MYPN: variants seen among roughly 807,000 people sequenced by gnomAD.
MYPN encodes sarcomeric protein myopalladin, 145 kDa (MYOP).
A neutral mutation model predicts 129.4 loss-of-function variants in MYPN; 63 were observed. The ratio of observed to expected loss-of-function variants is 0.49; its 90% CI spans 0.40 to 0.60. The LOEUF is 0.60. Among genes scored for constraint, MYPN ranks in the 20% least tolerant of loss-of-function variants. MYPN has a pLI of 0.00. For synonymous variants in MYPN, 629 were observed against 600.9 expected (o/e 1.05, Z -0.68); for missense variants, 1,596 against 1,635.4 (o/e 0.98, Z 0.42).
rs1334971135 is a variant in MYPN, at chr10:68,211,991, T to C, written c.*1536T>C. 8.4e-6 allele frequency: 3 copies of C among 358,096 alleles called. No individual in the cohort carries two copies. The highest frequency in any genetic ancestry group is 6.4e-5 in the African/African-American group (3 of 46,768). 22.2% of individuals were successfully genotyped at this position (358,096 alleles called of 1,614,324 possible). A position where few individuals can be genotyped will look rare whatever the true frequency, so the allele number is the denominator to read the frequency against. ...CACTTCAAGGCAAGGATTTCCAGCA[T>C]AAAAATAAATTCATTCACTGGAGAA... On this transcript the variant is annotated 3_prime_UTR_variant, in exon 20 of 20. Coordinates refer to ENST00000358913, the MANE Select transcript of MYPN (RefSeq NM_032578.4).
At chr10:68,152,701 T>A (rs1194085157) in intron 6 of MYPN, among the ~76,000 whole-genome samples, 1 of 152,182 alleles carries the variant, frequency 6.6e-6, no homozygotes, top group Non-Finnish European at 1.5e-5. Context: ...AATGGCATGA[T>A]CTCAGCTCAC....
intron 2 of MYPN, chr10:68,136,590 GT>G (rs1278511203): frequency 2.0e-6 from 3 of 1,498,280 alleles, no homozygotes; most frequent in Non-Finnish European, 2.7e-6. Context: ...GTTACCGATT[GT>G]TTTTTTAGGC....
intron 12 of MYPN, among the ~76,000 whole-genome samples, chr10:68,177,573 A>G (rs1193190324): frequency 6.6e-6 from 1 of 152,218 alleles, no homozygotes; most frequent in African/African-American, 2.4e-5. Context: ...CTGTCTTCGG[A>G]AATGATAGTA....
intron 1 of MYPN, among the ~76,000 whole-genome samples, chr10:68,089,382 C>G (rs546191997): frequency 6.6e-6 from 1 of 152,088 alleles, no homozygotes; most frequent in African/African-American, 2.4e-5. Context: ...CGCTCTGTCG[C>G]CCAGACTGGA....
intron 10 of MYPN, among the ~76,000 whole-genome samples, chr10:68,168,590 A>G (rs1164269705): frequency 2.0e-5 from 3 of 152,198 alleles, no homozygotes; most frequent in Non-Finnish European, 2.9e-5. Context: ...ATCATAAATC[A>G]ATACAAGAAG....
At chr10:68,171,461 G>T (rs973918537) in intron 10 of MYPN, among the ~76,000 whole-genome samples, 18 of 152,288 alleles carry the variant, frequency 1.2e-4, no homozygotes, top group Non-Finnish European at 1.9e-4. Flanking sequence ...CCCTACACCT[G>T]CCGAATGAGA....
chr10:68,119,003 T>A (rs1019697713), intron 1 of MYPN, among the ~76,000 whole-genome samples: 7 of 152,072 alleles, frequency 4.6e-5, no homozygotes, highest in Non-Finnish European at 2.9e-5. Flanking sequence ...GGCACTTAAT[T>A]TCCCCCCCAT....
chr10:68,142,890 A>G (rs1205260405), intron 2 of MYPN, 50 bp from the exon 3 acceptor site: 1 of 1,543,238 alleles, frequency 6.5e-7, no homozygotes, highest in Non-Finnish European at 9.0e-7. Flanking sequence ...TGTCTATGTT[A>G]TTGTCTTGCA....
chr10:68,148,583 A>G (rs2042710893), intron 5 of MYPN, 116 bp downstream of exon 5: 1 of 811,396 alleles, frequency 1.2e-6, no homozygotes, highest in African/African-American at 1.7e-5. Context: ...CATCATCAGG[A>G]TAATCACCTT....
rs765695662 is a variant in MYPN, at chr10:68,122,290, T to G, written c.852T>G (p.Thr284=). ...GGAGCAGAGAAGTTCCAGAAGGAAC[T>G]CGAGTACAGTTGGATTGCATAGTGG... ...KLRSREVPEG[T]RVQLDCIVVG... is the part of the protein sequence containing the mutation. Residue 284 remains threonine (T), a synonymous_variant, in exon 2 of 20, where the codon ACT becomes ACG. Transcript: ENST00000358913. 6.2e-7 allele frequency: 1 copy of G among 1,614,060 alleles called. No homozygotes were observed. Among genetic ancestry groups the G allele is most frequent in the South Asian group, 1.1e-5 (1 of 91,038 alleles).
chr10:68,120,889 A>G (rs1209422156), intron 1 of MYPN, among the ~76,000 whole-genome samples: 2 of 152,190 alleles, frequency 1.3e-5, no homozygotes, highest in African/African-American at 4.8e-5. Context: ...AGTTTAATAA[A>G]GTGGTAATCA....
chr10:68,114,094 C>A (rs2042119673), intron 1 of MYPN: 1 of 152,172 alleles, frequency 6.6e-6, no homozygotes, highest in Admixed American at 6.5e-5. Flanking sequence ...TAATACTTCA[C>A]AATCAGAATA....
chr10:68,090,050 C>A (rs970569525), intron 1 of MYPN, among the ~76,000 whole-genome samples: 1 of 152,080 alleles, frequency 6.6e-6, no homozygotes, highest in African/African-American at 2.4e-5. Context: ...AGTAAATAGG[C>A]ATATTTTCCT....
intron 10 of MYPN, among the ~76,000 whole-genome samples, chr10:68,172,911 A>G (rs1470637210): frequency 6.6e-6 from 1 of 151,948 alleles, no homozygotes; most frequent in Non-Finnish European, 1.5e-5. Context: ...TGTCTCTACT[A>G]AAAATACAAA....
chr10:68,175,842 C>T (rs1479011376), intron 12 of MYPN, among the ~76,000 whole-genome samples: 4 of 152,144 alleles, frequency 2.6e-5, no homozygotes, highest in Non-Finnish European at 1.5e-5. Flanking sequence ...GCAACCTTGA[C>T]CTCCTGGGCT....
At chr10:68,091,193 A>C (rs1037100770) in intron 1 of MYPN, among the ~76,000 whole-genome samples, 1 of 152,068 alleles carries the variant, frequency 6.6e-6, no homozygotes, top group African/African-American at 2.4e-5. Context: ...TGATTATGGC[A>C]TCTTGTGAGC....
chr10:68,145,933 C>A (rs1262132035), intron 4 of MYPN, among the ~76,000 whole-genome samples: 1 of 152,158 alleles, frequency 6.6e-6, no homozygotes, highest in Non-Finnish European at 1.5e-5. Flanking sequence ...TTCTCTCCTG[C>A]CTTTTATGCC....
chr10:68,110,191 G>A (rs35299829), intron 1 of MYPN, among the ~76,000 whole-genome samples: 40 of 152,054 alleles, frequency 2.6e-4, no homozygotes, highest in Non-Finnish European at 5.3e-4. Flanking sequence ...CTGCTCCCTG[G>A]ATTAATGTAC....
At chr10:68,187,791 G>A (rs746792811) in intron 12 of MYPN, among the ~76,000 whole-genome samples, 2 of 152,180 alleles carry the variant, frequency 1.3e-5, no homozygotes, top group Non-Finnish European at 2.9e-5. Flanking sequence ...GTGAGAGAAA[G>A]AGAAGGAAAG....
Sources: allele counts gnomAD v4.1 joint callset (sites outside exome capture counted in the v4.1 genomes callset), GRCh38; gene constraint gnomAD v4.1.1; transcripts MANE v1.5; gene names NCBI Gene and HGNC (gene_info 2026-07-23, HGNC 2026-07-21).